Variants in KLHL40 observed in about 807,000 individuals in gnomAD.
The protein encoded by KLHL40 is kelch-like protein 40.
KLHL40 carries 44 observed loss-of-function variants against 49.7 expected under a neutral mutation model. The observed-to-expected ratio is 0.89, with a 90% confidence interval of 0.70 to 1.14. KLHL40 has a LOEUF of 1.14. Ranked by LOEUF, KLHL40 falls within the 50% of genes most tolerant of loss-of-function variation. The pLI is 0.00. For missense variants in KLHL40, 892 were observed against 850.3 expected (o/e 1.05, Z -0.61); for synonymous variants, 409 against 365.2 (o/e 1.12, Z -1.37).
chr3:42,691,985 A>G lies in KLHL40; in HGVS notation c.1858A>G (p.Lys620Glu), dbSNP rs751003619. 2 of 1,593,512 alleles carry G rather than the reference A, an allele frequency of 1.3e-6. No individual in the cohort carries two copies. The highest frequency in any genetic ancestry group is 2.2e-5 in the East Asian group (1 of 44,730). ...GCGGCTCAATGTGCTGTGCCTGACT[A>G]AGATGTGACCAGCTCAGGCAGACTG... ...PVRLNVLCLT[K>E]M The change falls in exon 6 of 6, where the codon AAG becomes GAG. Residue 620 changes from lysine to glutamate, a missense_variant. Transcript: ENST00000287777.
At chr3:42,687,522 C>G (rs1451879453) in intron 1 of KLHL40, among the ~76,000 whole-genome samples, 3 of 152,072 alleles carry the variant, frequency 2.0e-5, no homozygotes, top group Admixed American at 6.5e-5. Context: ...CAGCTACTAG[C>G]TCAGCAGTGT....
rs759817120 is a variant in KLHL40, at chr3:42,685,758, A to T, written c.140A>T (p.His47Leu). Residue 47 changes from histidine (H) to leucine (L), a missense_variant, in exon 1 of 6, where the codon CAT becomes CTT. Coordinates refer to ENST00000287777, the MANE Select transcript of KLHL40 (RefSeq NM_152393.4). ...VRAGEREFPC[H>L]RLVLAACSPY... ...GCGGGCGAGCGCGAGTTCCCGTGCC[A>T]TCGCCTGGTGCTGGCCGCCTGCAGC... 1 of 1,612,502 alleles carries T rather than the reference A, an allele frequency of 6.2e-7. No homozygotes were observed. The highest frequency in any genetic ancestry group is 1.7e-5 in the Admixed American group (1 of 59,976).
intron 4 of KLHL40, among the ~76,000 whole-genome samples, chr3:42,690,165 A>G (rs1697338506): frequency 6.6e-6 from 1 of 152,194 alleles, no homozygotes; most frequent in South Asian, 2.1e-4. Flanking sequence ...GGTCAGTAGC[A>G]CACGGAGGGG....
chr3:42,686,362 C>T lies in KLHL40; in HGVS notation c.744C>T (p.Pro248=), dbSNP rs770789215. ...GCCACCCTCTCGTGCGTGCCCAGCC[C>T]GAGTTGCTGCGCAAGGTGCAGATGG... is the stretch of plus-strand genomic sequence containing the variant. ...VERHPLVRAQ[P]ELLRKVQMVK... is the part of the protein sequence containing the mutation. Residue 248 remains proline, a synonymous_variant, in exon 1 of 6, where the codon CCC becomes CCT. Transcript: ENST00000287777. 3 of 1,613,110 alleles carry T rather than the reference C, an allele frequency of 1.9e-6. No homozygotes were observed. The highest frequency in any genetic ancestry group is 1.1e-5 in the South Asian group (1 of 91,070).
At chr3:42,687,727 G>C (rs1220939022) in intron 1 of KLHL40, among the ~76,000 whole-genome samples, 5 of 149,558 alleles carry the variant, frequency 3.3e-5, no homozygotes, top group Non-Finnish European at 7.3e-5. Flanking sequence ...AGGTGGACAA[G>C]GCTGTGGACT....
At position 42,685,563 on chromosome 3, in the gene KLHL40, C is replaced by A; in HGVS notation, c.-56C>A. 6.7e-7 allele frequency: 1 copy of A among 1,485,150 alleles called. No individual in the cohort carries two copies. Among genetic ancestry groups the A allele is most frequent in the South Asian group, 1.3e-5 (1 of 75,248 alleles). The allele number at this position is 1,485,150 out of a possible 1,614,324, so 92.0% of individuals were successfully genotyped here. Reference sequence around the variant, plus strand: ...GTCTAAGCAAACCCCAGCAGGAAAGCAGGGGTACAGAGAGGAGCCCCCTTG... The same window carrying A: ...GTCTAAGCAAACCCCAGCAGGAAAGAAGGGGTACAGAGAGGAGCCCCCTTG... On this transcript the variant is annotated 5_prime_UTR_variant, in exon 1 of 6. Transcript: ENST00000287777.
intron 4 of KLHL40, among the ~76,000 whole-genome samples, 199 bp downstream of exon 4, chr3:42,689,253 G>A (rs1024826749): frequency 6.6e-6 from 1 of 152,158 alleles, no homozygotes; most frequent in Non-Finnish European, 1.5e-5. Context: ...GCAGGAGGGG[G>A]CTCCCAGGGC....
At position 42,686,295 on chromosome 3, in the gene KLHL40, G is replaced by A; in HGVS notation, c.677G>A (p.Cys226Tyr). 1 of 1,586,866 alleles carries A rather than the reference G, an allele frequency of 6.3e-7. No homozygotes were observed. The highest frequency in any genetic ancestry group is 8.6e-7 in the Non-Finnish European group (1 of 1,166,706). Residue 226 changes from cysteine to tyrosine, a missense_variant, in exon 1 of 6, where the codon TGC becomes TAC. Physicochemically the swap from Cys to Tyr is radical, Grantham distance 194. Transcript: ENST00000287777. ...CCCACCGTCTTCGAGAGCGTGCGCT[G>A]CCGCTTGCTGCCGCGCGCCTTTCTG... ...ALPTVFESVR[C>Y]RLLPRAFLES...
rs150475700 is a variant in KLHL40, at chr3:42,688,282, G to C, written c.1293G>C (p.Ser431=). The change falls in exon 2 of 6, where the codon TCG becomes TCC. Residue 431 remains serine (S), a synonymous_variant. Transcript: ENST00000287777. The surrounding 1 kb of genome is among the most constrained non-coding windows in gnomAD (Gnocchi z 4.2). ...EIKDGERCLD[S]VMCYDRLSFK... Reference sequence around the variant, plus strand: ...AGGACGGCGAGCGCTGCCTGGACTCGGTCATGTGCTACGACAGGCTGTGAG... The same window carrying C: ...AGGACGGCGAGCGCTGCCTGGACTCCGTCATGTGCTACGACAGGCTGTGAG... 1.7e-5 allele frequency: 28 copies of C among 1,613,806 alleles called. No homozygotes were observed. The highest frequency in any genetic ancestry group is 1.4e-4 in the South Asian group (13 of 91,070).
At position 42,686,565 on chromosome 3, in the gene KLHL40, T is replaced by C; in HGVS notation, c.947T>C (p.Leu316Pro). ...GACACCCTGCGCTTCGGCATGTTCC[T>C]GCAGGATCTCATCTTCATGATCAGT... ...LNDTLRFGMF[L>P]QDLIFMISEE... Residue 316 changes from leucine to proline, a missense_variant, in exon 1 of 6, where the codon CTG becomes CCG. Coordinates refer to ENST00000287777, the MANE Select transcript of KLHL40 (RefSeq NM_152393.4). 6.2e-7 allele frequency: 1 copy of C among 1,614,192 alleles called. No individual in the cohort carries two copies. Among genetic ancestry groups the C allele is most frequent in the Non-Finnish European group, 8.5e-7 (1 of 1,180,032 alleles).
Position 42,688,793 on chromosome 3 carries a change from GC to G in KLHL40, c.1422-72del. 2 of 1,579,900 alleles carry G rather than the reference GC, an allele frequency of 1.3e-6. No individual in the cohort carries two copies. The highest frequency in any genetic ancestry group is 1.7e-6 in the Non-Finnish European group (2 of 1,149,120). Reference sequence around the variant, plus strand: ...AGGCTGTCAGGGGTTTGTCCTGGCTGCCCCGGCAGGTGATTGCAGGGAGGCG... The same window carrying G: ...AGGCTGTCAGGGGTTTGTCCTGGCTGCCCGGCAGGTGATTGCAGGGAGGCG... On this transcript the variant is annotated intron_variant, in intron 3 of 5. Transcript: ENST00000287777. The surrounding 1 kb of genome is among the most constrained non-coding windows in gnomAD (Gnocchi z 4.2).
rs143714937 is a variant in KLHL40 at position 42,691,767 on chromosome 3, GCAGAT to G, written c.1755-113_1755-109del. The G allele has an allele frequency of 3.9e-3, 2,645 of 686,846 alleles. 56 individuals carry two copies. The African/African-American group carries it at 0.04, about 10-fold the overall frequency. The allele number at this position is 686,846 out of a possible 1,614,324, so 42.5% of individuals were successfully genotyped here. A position where few individuals can be genotyped will look rare whatever the true frequency, so the allele number is the denominator to read the frequency against. On this transcript the variant is annotated intron_variant, in intron 5 of 5. Transcript: ENST00000287777. ...TCCCAGAGCCTGGGGATTTTCAGGA[GCAGAT>G]CTCCCTAGAGATGGGCCAAGTGCCC...
In KLHL40 at chr3:42,692,298, T is replaced by C; in HGVS notation, c.*305T>C. The C allele has an allele frequency of 2.2e-6, 1 of 456,456 alleles. No individual in the cohort carries two copies. The highest frequency in any genetic ancestry group is 3.0e-5 in the South Asian group (1 of 32,846). 28.3% of individuals were successfully genotyped at this position (456,456 alleles called of 1,614,324 possible). A position where few individuals can be genotyped will look rare whatever the true frequency, so the allele number is the denominator to read the frequency against. On this transcript the variant is annotated 3_prime_UTR_variant, in exon 6 of 6. Transcript: ENST00000287777. ...CTGGCCCTGCCCCAGCCTAGCTGAG[T>C]GTGCTGGCAAAGTTCCCCACAGGAC...
Position 42,692,351 on chromosome 3 carries a change from C to G in KLHL40, c.*358C>G. 2.4e-6 allele frequency: 1 copy of G among 409,708 alleles called. No homozygotes were observed. Among genetic ancestry groups the G allele is most frequent in the Non-Finnish European group, 4.5e-6 (1 of 222,036 alleles). 25.4% of individuals were successfully genotyped at this position (409,708 alleles called of 1,614,324 possible). A position where few individuals can be genotyped will look rare whatever the true frequency, so the allele number is the denominator to read the frequency against. ...AGCCTTCTCGTCTGTCCGATGGGAG[C>G]ATCCCCATCAAGTGCAGTGTACAGT... On this transcript the variant is annotated 3_prime_UTR_variant, in exon 6 of 6. Coordinates refer to ENST00000287777, the MANE Select transcript of KLHL40 (RefSeq NM_152393.4).
rs772039425 is a variant in KLHL40 at position 42,690,919 on chromosome 3, G to A, written c.1668G>A (p.Val556=). The A allele has an allele frequency of 6.8e-6, 11 of 1,613,746 alleles. No individual in the cohort carries two copies. The South Asian group carries it at 1.1e-4, about 16-fold the overall frequency. ...ERSSLSLVSL[V]GTLYAIGGFA... ...GCTCACTCAGCCTGGTCAGCCTGGT[G>A]GGTACCCTCTATGCCATTGGTGGCT... is the stretch of plus-strand genomic sequence containing the variant. The change falls in exon 5 of 6, where the codon GTG becomes GTA. Residue 556 remains valine, a synonymous_variant. Transcript: ENST00000287777.
chr3:42,688,969 C>T lies in KLHL40; in HGVS notation c.1522C>T (p.His508Tyr). ...CCGCTCACTCTTTGGGGCCACTGTC[C>T]ATGATGGCCGCATTATCGTGGCAGC... ...TARSLFGATV[H>Y]DGRIIVAAGV... Residue 508 changes from histidine to tyrosine, a missense_variant, in exon 4 of 6, where the codon CAT becomes TAT. Physicochemically the swap from His to Tyr is moderately conservative, Grantham distance 83. Transcript: ENST00000287777. This position sits in a 1 kb window ranked among gnomAD's most constrained non-coding sequence, Gnocchi z 4.2. 3.1e-6 allele frequency: 5 copies of T among 1,614,168 alleles called. No homozygotes were observed. Among genetic ancestry groups the T allele is most frequent in the Non-Finnish European group, 4.2e-6 (5 of 1,179,992 alleles).
Position 42,686,438 on chromosome 3 carries a change from G to C in KLHL40, c.820G>C (p.Gly274Arg). ...RITTLRKKKKGKDGAGAKEAD... is the reference protein window; with the variant it reads ...RITTLRKKKKRKDGAGAKEAD... Reference sequence around the variant, plus strand: ...CACCACGCTGCGGAAGAAAAAGAAGGGGAAGGATGGAGCCGGGGCCAAGGA... The same window carrying C: ...CACCACGCTGCGGAAGAAAAAGAAGCGGAAGGATGGAGCCGGGGCCAAGGA... The change falls in exon 1 of 6, where the codon GGG becomes CGG. Residue 274 changes from glycine (G) to arginine (R), a missense_variant. Gly to Arg is a moderately radical substitution (Grantham distance 125, BLOSUM62 -2). Coordinates refer to ENST00000287777, the MANE Select transcript of KLHL40 (RefSeq NM_152393.4). 1 of 1,613,938 alleles carries C rather than the reference G, an allele frequency of 6.2e-7. No homozygotes were observed. The highest frequency in any genetic ancestry group is 8.5e-7 in the Non-Finnish European group (1 of 1,179,982).
Position 42,688,075 on chromosome 3 carries a change from A to G in KLHL40, c.1153-67A>G. ...CTCCTCCGTGATCTGGGGCAGTGGG[A>G]CTGAGTGGGGCTGGGCTGAGGCTGG... On this transcript the variant is annotated intron_variant, in intron 1 of 5. Coordinates refer to ENST00000287777, the MANE Select transcript of KLHL40 (RefSeq NM_152393.4). The surrounding 1 kb of genome is among the most constrained non-coding windows in gnomAD (Gnocchi z 4.2). 1 of 1,599,250 alleles carries G rather than the reference A, an allele frequency of 6.3e-7. No homozygotes were observed. Among genetic ancestry groups the G allele is most frequent in the Non-Finnish European group, 8.5e-7 (1 of 1,169,896 alleles).
chr3:42,685,605 C>G lies in KLHL40; in HGVS notation c.-14C>G, dbSNP rs750666877. 171 of 1,571,014 alleles carry G rather than the reference C, an allele frequency of 1.1e-4. No individual in the cohort carries two copies. Among genetic ancestry groups the G allele is most frequent in the Non-Finnish European group, 1.3e-4 (154 of 1,157,868 alleles). On this transcript the variant is annotated 5_prime_UTR_variant, in exon 1 of 6. Transcript: ENST00000287777. ...GCCCCCTTGGCACCGCCACCGCACC[C>G]TAGGCCACCCACCATGGCGCTGGGC...
Sources: allele counts gnomAD v4.1 joint callset (sites outside exome capture counted in the v4.1 genomes callset), GRCh38; gene constraint gnomAD v4.1.1; non-coding constraint Gnocchi (gnomAD v3.1); transcripts MANE v1.5; gene names NCBI Gene and HGNC (gene_info 2026-07-23, HGNC 2026-07-21).